The following RUNX2 variants were observed in gnomAD, a reference collection of about 807,000 sequenced individuals.
RUNX2 encodes runt-related transcription factor 2.
A neutral mutation model predicts 51.7 loss-of-function variants in RUNX2; 10 were observed. That is an observed-to-expected ratio of 0.19 (90% CI 0.12 to 0.33). The LOEUF is 0.33. Ranked by LOEUF, RUNX2 falls within the 10% of genes least tolerant of loss-of-function variation. The probability of loss-of-function intolerance (pLI) is 1.00; values close to 1 mark genes in which losing one functional copy is unlikely to be tolerated. For synonymous variants in RUNX2, 276 were observed against 273.6 expected (o/e 1.01, Z -0.09); for missense variants, 562 against 691.3 (o/e 0.81, Z 2.10).
intron 7 of RUNX2, among the ~76,000 whole-genome samples, chr6:45,533,794 C>T (rs1582216535): frequency 6.6e-6 from 1 of 151,732 alleles, no homozygotes; most frequent in South Asian, 2.1e-4. Flanking sequence ...ACATCCAGTG[C>T]GAGAAGGCAT....
intron 2 of RUNX2, among the ~76,000 whole-genome samples, chr6:45,355,137 G>GC (rs1489172659): frequency 6.9e-6 from 1 of 144,674 alleles, no homozygotes; most frequent in East Asian, 2.0e-4. Context: ...AAAAGACCTG[G>GC]CTTTTTTTTT....
At chr6:45,484,321 A>T (rs1028086203) in intron 5 of RUNX2, among the ~76,000 whole-genome samples, 2 of 152,156 alleles carry the variant, frequency 1.3e-5, no homozygotes, top group African/African-American at 2.4e-5. Context: ...CTAGAAAATG[A>T]TGATGATGAA....
At chr6:45,544,820 G>A (rs928243217) in intron 7 of RUNX2, among the ~76,000 whole-genome samples, 3 of 152,172 alleles carry the variant, frequency 2.0e-5, no homozygotes, top group Admixed American at 6.5e-5. Context: ...AGCACTGGGC[G>A]GGGGAAATGT....
rs1218665910 is a variant in RUNX2, at chr6:45,545,233, C to T, written c.1038C>T (p.Thr346=). Residue 346 remains threonine, a synonymous_variant, in exon 8 of 9, where the codon ACC becomes ACT. Coordinates refer to ENST00000647337, the MANE Select transcript of RUNX2 (RefSeq NM_001024630.4). ...PRRISDDDTA[T]SDFCLWPSTL... is the part of the protein sequence containing the mutation. Reference sequence around the variant, plus strand: ...ATTTTACAGATGATGACACTGCCACCTCTGACTTCTGCCTCTGGCCTTCCA... The same window carrying T: ...ATTTTACAGATGATGACACTGCCACTTCTGACTTCTGCCTCTGGCCTTCCA... 5 of 1,549,930 alleles carry T rather than the reference C, an allele frequency of 3.2e-6. 1 individual carries two copies. Among genetic ancestry groups the T allele is most frequent in the Middle Eastern group, 3.3e-4 (2 of 5,992 alleles).
intron 3 of RUNX2, among the ~76,000 whole-genome samples, chr6:45,425,893 T>C (rs200805699): frequency 5.3e-5 from 8 of 150,968 alleles, no homozygotes; most frequent in Admixed American, 2.0e-4. Flanking sequence ...AACACACACA[T>C]ACACACACAC....
At chr6:45,347,309 G>C (rs1258804257) in intron 2 of RUNX2, among the ~76,000 whole-genome samples, 1 of 152,098 alleles carries the variant, frequency 6.6e-6, no homozygotes, top group Non-Finnish European at 1.5e-5. Context: ...ATATATGACT[G>C]TTAGGGAACA....
In RUNX2 at chr6:45,545,772, A is replaced by G. The variant is rs538791632; in HGVS notation, c.1087+490A>G. ...TTCTAGAAAAATAATAATAAACCCA[A>G]TCTTTAAAGGTCACAACTACAAGAT... On this transcript the variant is annotated intron_variant, in intron 8 of 8. Coordinates refer to ENST00000647337, the MANE Select transcript of RUNX2 (RefSeq NM_001024630.4). Among the ~76,000 whole-genome samples the G allele has an allele frequency of 5.3e-4, 80 of 152,372 alleles. 1 individual carries two copies. In the South Asian group the frequency reaches 0.013, roughly 24 times the overall value.
intron 2 of RUNX2, among the ~76,000 whole-genome samples, chr6:45,419,079 G>A (rs866728674): frequency 1.3e-5 from 2 of 152,322 alleles, no homozygotes; most frequent in Middle Eastern, 6.8e-3. Context: ...GGAGAAAAAA[G>A]GAGGAAAAGT....
chr6:45,394,153 C>T (rs58873595), intron 2 of RUNX2, among the ~76,000 whole-genome samples: 1,713 of 152,040 alleles, frequency 0.011, 43 homozygotes, highest in African/African-American at 0.039. Flanking sequence ...CCTCGTGATC[C>T]GCCCTCCTTG....
At chr6:45,546,785 T>G (rs1435617361) in intron 8 of RUNX2, 42 bp from the exon 9 acceptor site, 2 of 1,426,494 alleles carry the variant, frequency 1.4e-6, no homozygotes, top group South Asian at 2.3e-5. Flanking sequence ...TTTTAATTGA[T>G]ATTTACAGAT....
intron 2 of RUNX2, among the ~76,000 whole-genome samples, chr6:45,409,490 T>C (rs1402428830): frequency 6.6e-6 from 1 of 152,214 alleles, no homozygotes; most frequent in Non-Finnish European, 1.5e-5. Context: ...CAACGTATTA[T>C]AATTTTCTAT....
intron 2 of RUNX2, among the ~76,000 whole-genome samples, chr6:45,330,061 T>G (rs1239264100): frequency 6.6e-6 from 1 of 151,724 alleles, no homozygotes; most frequent in Non-Finnish European, 1.5e-5. Context: ...TAATTAAACC[T>G]GAAGGGAGAA....
intron 5 of RUNX2, among the ~76,000 whole-genome samples, chr6:45,471,977 A>T (rs1175383394): frequency 1.3e-5 from 2 of 152,108 alleles, no homozygotes; most frequent in Non-Finnish European, 2.9e-5. Flanking sequence ...TTAAACTTTG[A>T]TACTGCTTAT....
At position 45,472,072 on chromosome 6, in the gene RUNX2, T is replaced by A. The variant is rs954265458; in HGVS notation, c.686-19869T>A. Reference sequence around the variant, plus strand: ...TAATTTAAGAAAATTAACTGAAGCTTGTTTGATAGTAATTCTCATGCACGA... The same window carrying A: ...TAATTTAAGAAAATTAACTGAAGCTAGTTTGATAGTAATTCTCATGCACGA... On this transcript the variant is annotated intron_variant, in intron 5 of 8. Coordinates refer to ENST00000647337, the MANE Select transcript of RUNX2 (RefSeq NM_001024630.4). Among the ~76,000 whole-genome samples the A allele has an allele frequency of 3.9e-5, 6 of 152,326 alleles. No individual in the cohort carries two copies. The East Asian group carries it at 9.6e-4, about 24-fold the overall frequency.
intron 7 of RUNX2, among the ~76,000 whole-genome samples, chr6:45,542,915 C>G (rs965161122): frequency 6.6e-6 from 1 of 152,120 alleles, no homozygotes; most frequent in Non-Finnish European, 1.5e-5. Context: ...TCCTATTTGT[C>G]AAACAGGGGT....
chr6:45,350,570 A>G (rs1434918794), intron 2 of RUNX2, among the ~76,000 whole-genome samples: 4 of 152,202 alleles, frequency 2.6e-5, no homozygotes, highest in Non-Finnish European at 5.9e-5. Context: ...TTTAGACTAA[A>G]TGTTGAGAGT....
intron 7 of RUNX2, among the ~76,000 whole-genome samples, chr6:45,535,046 A>C: frequency 6.6e-6 from 1 of 152,158 alleles, no homozygotes; most frequent in East Asian, 1.9e-4. Context: ...AATGATGAGA[A>C]CACATGGACA....
chr6:45,443,036 CTTTTTTTTTTTTT>C (rs10564853), intron 5 of RUNX2, among the ~76,000 whole-genome samples: 1 of 52,170 alleles, frequency 1.9e-5, no homozygotes, highest in African/African-American at 9.5e-5. Flanking sequence ...TCAGGCCTTG[CTTTTTTTTTTTTT>C]TTTTTTTTTT....
At chr6:45,485,695 GTGTATATATA>G (rs1800259483) in intron 5 of RUNX2, among the ~76,000 whole-genome samples, 3 of 107,094 alleles carry the variant, frequency 2.8e-5, no homozygotes, top group Admixed American at 9.9e-5. Context: ...GTGTGTGTGT[GTGTATATATA>G]TATATATATA....
Sources: gnomAD v4.1 joint callset for allele counts (sites outside exome capture counted in the v4.1 genomes callset) on GRCh38, gnomAD v4.1.1 for gene constraint, MANE v1.5 for transcripts, NCBI Gene and HGNC (gene_info 2026-07-23, HGNC 2026-07-21) for gene names.